The following SNED1 variants were observed in gnomAD, a reference collection of about 807,000 sequenced individuals.
The protein encoded by SNED1 is sushi, nidogen and EGF like domains 1.
Under a neutral mutation model 166.7 loss-of-function variants are expected in SNED1, and 81 were observed. The ratio of observed to expected loss-of-function variants is 0.49; its 90% CI spans 0.41 to 0.58. The LOEUF (loss-of-function observed/expected upper bound fraction) is 0.58, where lower values mean the gene tolerates loss of function less well. SNED1 is among the 20% of genes least tolerant of loss of function. The pLI, the probability that SNED1 is intolerant of heterozygous loss-of-function variation, is 0.00. For synonymous variants in SNED1, 762 were observed against 822.0 expected, an observed-to-expected ratio of 0.93 and a Z score of 1.25; for missense variants, 1,604 against 2,000.2, an observed-to-expected ratio of 0.80 and a Z score of 3.78.
chr2:241,037,199 G>T (rs769808687), intron 5 of SNED1, 41 bp from the exon 6 acceptor site: 13 of 738,046 alleles, frequency 1.8e-5, no homozygotes, highest in East Asian at 2.8e-5. Flanking sequence ...CTCCTCATCC[G>T]GGTTCCCGCC....
chr2:241,016,852 T>TTC (rs1206834243), intron 1 of SNED1, among the ~76,000 whole-genome samples: 1 of 74,954 alleles, frequency 1.3e-5, no homozygotes, highest in African/African-American at 4.4e-5. Flanking sequence ...CTTTCTTTCT[T>TTC]TTTTTTTTTT....
chr2:241,043,308 C>CA (rs528321047), intron 8 of SNED1, among the ~76,000 whole-genome samples: 49 of 152,194 alleles, frequency 3.2e-4, no homozygotes, highest in Non-Finnish European at 5.1e-4. Context: ...AAGAATGAAA[C>CA]AGACTTCTCG....
Position 241,040,308 on chromosome 2 carries a change from G to A in SNED1, c.1168G>A (p.Asp390Asn), listed in dbSNP as rs964237144. ...TGAACEMDVDDCSPDPCLNGG... is the reference protein window; with the variant it reads ...TGAACEMDVDNCSPDPCLNGG... ...CCTCTGCTGCCCCTCAGATGTGGAC[G>A]ACTGCAGCCCTGACCCCTGCCTGAA... Residue 390 changes from aspartate to asparagine, a missense_variant, in exon 8 of 32, where the codon GAC becomes AAC. Physicochemically the swap from Asp to Asn is conservative, Grantham distance 23 (BLOSUM62 1). This residue lies in a region of SNED1 where 1,237 missense variants were observed against 1,620.8 expected (regional missense o/e 0.76). Transcript: ENST00000310397. 15 of 1,602,924 alleles carry A rather than the reference G, an allele frequency of 9.4e-6. No individual in the cohort carries two copies. Among genetic ancestry groups the A allele is most frequent in the Middle Eastern group, 1.6e-4 (1 of 6,084 alleles).
At chr2:241,002,460 A>G (rs1288002222) in intron 1 of SNED1, among the ~76,000 whole-genome samples, 1 of 152,090 alleles carries the variant, frequency 6.6e-6, no homozygotes, top group Non-Finnish European at 1.5e-5. Flanking sequence ...ACCCCCTGCT[A>G]TGGGCTTGGC....
chr2:241,017,629 G>A (rs1314523580), intron 1 of SNED1, among the ~76,000 whole-genome samples: 1 of 152,194 alleles, frequency 6.6e-6, no homozygotes, highest in Non-Finnish European at 1.5e-5. Flanking sequence ...ACACATTCTT[G>A]GCCAAACTCA....
In SNED1 at chr2:241,068,167, G is replaced by A. The variant is rs2062543308; in HGVS notation, c.3194+220G>A. ...GGCTGCCAAGAGAGGATACACCTTGGTAGTGTTTTAAAGTGTCCAAAAAGA... is the reference window on the plus strand; with the variant it reads ...GGCTGCCAAGAGAGGATACACCTTGATAGTGTTTTAAAGTGTCCAAAAAGA... On this transcript the variant is annotated intron_variant, in intron 22 of 31. Transcript: ENST00000310397. This position sits in a 1 kb window ranked among gnomAD's most constrained non-coding sequence, Gnocchi z 5.3. Among the ~76,000 whole-genome samples the A allele has an allele frequency of 6.6e-6, 1 of 152,180 alleles. No homozygotes were observed. The highest frequency in any genetic ancestry group is 2.1e-4 in the South Asian group (1 of 4,822).
chr2:241,004,705 A>G (rs1430276038), intron 1 of SNED1, among the ~76,000 whole-genome samples: 1 of 152,090 alleles, frequency 6.6e-6, no homozygotes, highest in Non-Finnish European at 1.5e-5. Context: ...TATAAACCCA[A>G]TAATGCACTG....
chr2:241,044,688 G>A lies in SNED1; in HGVS notation c.1274-3627G>A, dbSNP rs993331211. ...AAGCAGGGCTGACAGTGCAGAAGTT[G>A]GGGAATCCTCAAGTGCCCTTAAACT... On this transcript the variant is annotated intron_variant, in intron 8 of 31. Coordinates refer to ENST00000310397, the MANE Select transcript of SNED1 (RefSeq NM_001080437.3). 1.2e-4 allele frequency among the ~76,000 whole-genome samples: 19 copies of A among 152,296 alleles called. 1 individual carries two copies. The Middle Eastern group carries it at 0.01, about 82-fold the overall frequency.
chr2:241,066,572 G>T (rs773672792), intron 21 of SNED1, among the ~76,000 whole-genome samples: 2 of 151,810 alleles, frequency 1.3e-5, no homozygotes, highest in African/African-American at 2.4e-5. Flanking sequence ...GGTGCTAGAG[G>T]CTCGAGGAAA....
chr2:241,009,835 C>G (rs2060332748), intron 1 of SNED1, among the ~76,000 whole-genome samples: 1 of 143,510 alleles, frequency 7.0e-6, no homozygotes, highest in African/African-American at 3.0e-5. Context: ...TGTGTGTTTC[C>G]CCGGAGGCCT....
Position 241,051,068 on chromosome 2 carries a change from A to G in SNED1, c.1736-676A>G, listed in dbSNP as rs1044637828. ...CCAGAGCTTGGACCTGCAGCGTGGG[A>G]TGGCTGGCAGGAGAGGAGCGAGCAC... On this transcript the variant is annotated intron_variant, in intron 12 of 31. Coordinates refer to ENST00000310397, the MANE Select transcript of SNED1 (RefSeq NM_001080437.3). This position sits in a 1 kb window ranked among gnomAD's most constrained non-coding sequence, Gnocchi z 4.7. Among the ~76,000 whole-genome samples, 29 of 152,284 alleles carry G rather than the reference A, an allele frequency of 1.9e-4. No individual in the cohort carries two copies. In the East Asian group the frequency reaches 4.4e-3, roughly 23 times the overall value.
At chr2:241,012,672 AC>A (rs1219390763) in intron 1 of SNED1, among the ~76,000 whole-genome samples, 1 of 152,162 alleles carries the variant, frequency 6.6e-6, no homozygotes, top group African/African-American at 2.4e-5. Flanking sequence ...GATTTAATAT[AC>A]CTACACATTG....
chr2:241,012,095 G>A (rs1223863191), intron 1 of SNED1, among the ~76,000 whole-genome samples: 1 of 152,224 alleles, frequency 6.6e-6, no homozygotes, highest in African/African-American at 2.4e-5. Flanking sequence ...CAGCGGCTCA[G>A]GAGCCAAGCA....
intron 27 of SNED1, among the ~76,000 whole-genome samples, chr2:241,076,952 G>C (rs531094438): frequency 6.6e-6 from 1 of 152,260 alleles, no homozygotes; most frequent in South Asian, 2.1e-4. Flanking sequence ...GGTGGCGGGC[G>C]CCTGTGGTCC....
At chr2:241,072,170 A>C in intron 26 of SNED1, 1 of 650,748 alleles carries the variant, frequency 1.5e-6, no homozygotes, top group Non-Finnish European at 2.8e-6. Context: ...AGCAGGTCTG[A>C]GACATTACAG....
intron 1 of SNED1, among the ~76,000 whole-genome samples, chr2:241,004,040 G>A (rs1574834367): frequency 6.6e-6 from 1 of 152,270 alleles, no homozygotes; most frequent in Non-Finnish European, 1.5e-5. Flanking sequence ...AGAAGCTGAT[G>A]CATGTATGGA....
At chr2:241,085,860 CTTTTTT>C (rs772995766) in intron 29 of SNED1, among the ~76,000 whole-genome samples, 5 of 79,192 alleles carry the variant, frequency 6.3e-5, no homozygotes, top group African/African-American at 1.5e-4. Context: ...TCTGCGGTTT[CTTTTTT>C]TTTTTTTTTT....
Position 241,052,024 on chromosome 2 carries a change from C to G in SNED1, c.1853-17C>G, listed in dbSNP as rs1559267435. Reference sequence around the variant, plus strand: ...AGGGGCAGTGGGCTGTGACCCTGACCTGGCTTCTGTTTCCAGGGAAGCCAG... The same window carrying G: ...AGGGGCAGTGGGCTGTGACCCTGACGTGGCTTCTGTTTCCAGGGAAGCCAG... On this transcript the variant is annotated splice_polypyrimidine_tract_variant and intron_variant, in intron 13 of 31. Coordinates refer to ENST00000310397, the MANE Select transcript of SNED1 (RefSeq NM_001080437.3). 6.2e-7 allele frequency: 1 copy of G among 1,610,722 alleles called. No individual in the cohort carries two copies. Among genetic ancestry groups the G allele is most frequent in the Non-Finnish European group, 8.5e-7 (1 of 1,177,348 alleles).
intron 29 of SNED1, among the ~76,000 whole-genome samples, chr2:241,084,744 G>T (rs1415580597): frequency 6.6e-6 from 1 of 152,056 alleles, no homozygotes; most frequent in Admixed American, 6.6e-5. Context: ...GTAGATCTAG[G>T]ATTCCATCTG....
Sources: gnomAD v4.1 joint callset for allele counts (sites outside exome capture counted in the v4.1 genomes callset) on GRCh38, gnomAD v4.1.1 for gene constraint, gnomAD v4.1.1 regional missense constraint, Gnocchi (gnomAD v3.1) non-coding constraint, MANE v1.5 for transcripts, NCBI Gene and HGNC (gene_info 2026-07-23, HGNC 2026-07-21) for gene names.